RERG: variants seen among roughly 807,000 people sequenced by gnomAD.
RERG encodes the protein RAS like estrogen regulated growth inhibitor.
A neutral mutation model predicts 23.2 loss-of-function variants in RERG; 25 were observed. That is an observed-to-expected ratio of 1.08 (90% CI 0.79 to 1.50). The LOEUF (loss-of-function observed/expected upper bound fraction) is 1.50, where lower values mean the gene tolerates loss of function less well. RERG is among the 40% of genes most tolerant of loss of function. The probability of loss-of-function intolerance (pLI) is 0.00; values close to 1 mark genes in which losing one functional copy is unlikely to be tolerated. For synonymous variants in RERG, 81 were observed against 89.1 expected (o/e 0.91, Z 0.51); for missense variants, 253 against 250.1 (o/e 1.01, Z -0.08).
At chr12:15,120,744 A>C (rs1863816189) in intron 3 of RERG, among the ~76,000 whole-genome samples, 1 of 152,100 alleles carries the variant, frequency 6.6e-6, no homozygotes, top group Non-Finnish European at 1.5e-5. Flanking sequence ...CAAATTTTCC[A>C]TGTCCGTTTT....
chr12:15,124,387 C>T (rs4764169), intron 2 of RERG, among the ~76,000 whole-genome samples: 95,529 of 151,612 alleles, frequency 0.63, 30,420 homozygotes, highest in Admixed American at 0.73. Flanking sequence ...TCAGCTTCAG[C>T]AAGAAATGAA....
intron 2 of RERG, among the ~76,000 whole-genome samples, chr12:15,216,632 T>C (rs1478352467): frequency 1.3e-5 from 2 of 152,230 alleles, no homozygotes; most frequent in African/African-American, 4.8e-5. Flanking sequence ...TTATGGTTCC[T>C]TCCTCCAGTA....
rs371231839 is a variant in RERG, at chr12:15,121,063, C to T, written c.118G>A (p.Glu40Lys). Residue 40 changes from glutamate (E) to lysine (K), a missense_variant and splice_region_variant, in exon 3 of 5, where the codon GAA becomes AAA. Transcript: ENST00000256953. The stretch of plus-strand genomic sequence containing the variant: ...GAGAAGGAAACAAAATTTGACCTAC[C>T]GAGGGTGGGATCATATTCCCAGATG... Reference protein sequence around the residue: ...RFIWEYDPTLESTYRHQATID... With the variant: ...RFIWEYDPTLKSTYRHQATID... 9.9e-6 allele frequency: 16 copies of T among 1,610,204 alleles called. No homozygotes were observed. The highest frequency in any genetic ancestry group is 1.7e-5 in the Admixed American group (1 of 59,934).
chr12:15,151,272 A>G (rs1363223041), intron 2 of RERG, among the ~76,000 whole-genome samples: 2 of 152,190 alleles, frequency 1.3e-5, no homozygotes, highest in African/African-American at 4.8e-5. Flanking sequence ...GTCAATAAGA[A>G]CCACATGTCT....
intron 2 of RERG, among the ~76,000 whole-genome samples, chr12:15,178,116 T>G (rs1217491613): frequency 6.6e-6 from 1 of 152,132 alleles, no homozygotes; most frequent in Non-Finnish European, 1.5e-5. Flanking sequence ...GAAAGCCATG[T>G]GCTATAATGG....
At chr12:15,187,563 CTT>C (rs35277857) in intron 2 of RERG, among the ~76,000 whole-genome samples, 1 of 146,420 alleles carries the variant, frequency 6.8e-6, no homozygotes, top group Non-Finnish European at 1.5e-5. Flanking sequence ...CTCTGAGAAC[CTT>C]TTTTTTTTTT....
chr12:15,137,692 C>T, intron 2 of RERG: 1 of 307,238 alleles, frequency 3.3e-6, no homozygotes, highest in South Asian at 3.1e-5. Context: ...TTCCTCCCTC[C>T]TGTCCATTGT....
At chr12:15,113,258 G>T (rs1863656769) in intron 3 of RERG, among the ~76,000 whole-genome samples, 1 of 151,896 alleles carries the variant, frequency 6.6e-6, no homozygotes, top group Non-Finnish European at 1.5e-5. Context: ...CAATAAATTA[G>T]AAGAGAAGAA....
intron 2 of RERG, among the ~76,000 whole-genome samples, chr12:15,189,802 C>A (rs993265130): frequency 1.2e-4 from 18 of 152,160 alleles, no homozygotes; most frequent in African/African-American, 4.3e-4. Flanking sequence ...AAATGGAGGG[C>A]TCACTGAATC....
At chr12:15,195,395 C>T (rs1395835524) in intron 2 of RERG, among the ~76,000 whole-genome samples, 2 of 152,126 alleles carry the variant, frequency 1.3e-5, no homozygotes, top group Admixed American at 1.3e-4. Flanking sequence ...GTTGGAGCAA[C>T]AGAGAGGCCA....
chr12:15,167,591 C>A (rs1036155993), intron 2 of RERG, among the ~76,000 whole-genome samples: 10 of 152,020 alleles, frequency 6.6e-5, no homozygotes, highest in Admixed American at 5.2e-4. Flanking sequence ...TCTAAATTGA[C>A]CCTTTAAATA....
intron 2 of RERG, among the ~76,000 whole-genome samples, chr12:15,140,257 T>C (rs1355414304): frequency 6.6e-6 from 1 of 152,094 alleles, no homozygotes; most frequent in Non-Finnish European, 1.5e-5. Context: ...TCTCTCACTC[T>C]TTTTCTCCCA....
At chr12:15,112,481 G>A (rs1463852342) in intron 3 of RERG, 1 of 152,216 alleles carries the variant, frequency 6.6e-6, no homozygotes, top group Non-Finnish European at 1.5e-5. Flanking sequence ...TATGTGAGGG[G>A]AAGGAGAAGT....
chr12:15,170,614 T>G (rs974891848), intron 2 of RERG, among the ~76,000 whole-genome samples: 2 of 152,132 alleles, frequency 1.3e-5, no homozygotes, highest in Admixed American at 1.3e-4. Flanking sequence ...GGATCCAGAC[T>G]TTGGTTCTGA....
At chr12:15,186,050 A>G (rs1033186041) in intron 2 of RERG, among the ~76,000 whole-genome samples, 1 of 151,974 alleles carries the variant, frequency 6.6e-6, no homozygotes, top group African/African-American at 2.4e-5. Context: ...CAAAAATTGA[A>G]CTGAGAAAGC....
chr12:15,175,230 T>G (rs1365099297), intron 2 of RERG, among the ~76,000 whole-genome samples: 2 of 151,854 alleles, frequency 1.3e-5, no homozygotes, highest in African/African-American at 4.8e-5. Flanking sequence ...TCATAGTGTG[T>G]AACCACGGTT....
rs749148398 is a variant in RERG at position 15,126,143 on chromosome 12, ATATATATATG to A, written c.62-5034_62-5025del. 2.3e-3 allele frequency among the ~76,000 whole-genome samples: 329 copies of A among 141,666 alleles called. 6 individuals carry two copies. The highest frequency in any genetic ancestry group is 4.0e-3 in the Non-Finnish European group (260 of 65,050). The allele number at this position is 141,666 out of a possible 152,430, so 92.9% of individuals were successfully genotyped here. ...TTGTATATACCATATATATATATAT[ATATATATATG>A]TATTTACACACATACATTTTTACAT... is the stretch of plus-strand genomic sequence containing the variant. On this transcript the variant is annotated intron_variant, in intron 2 of 4. Transcript: ENST00000256953.
intron 2 of RERG, among the ~76,000 whole-genome samples, chr12:15,195,475 A>G (rs1347967717): frequency 1.3e-5 from 2 of 151,966 alleles, no homozygotes; most frequent in Non-Finnish European, 2.9e-5. Flanking sequence ...CCTATTCCAC[A>G]AAAGATTATG....
chr12:15,217,695 T>C, intron 1 of RERG, 92 bp from the exon 2 acceptor site: 2 of 519,648 alleles, frequency 3.8e-6, no homozygotes, highest in Middle Eastern at 5.2e-4. Context: ...CCATTCACTT[T>C]TTCAACATTT....
Sources: allele counts gnomAD v4.1 joint callset (sites outside exome capture counted in the v4.1 genomes callset), GRCh38; gene constraint gnomAD v4.1.1; transcripts MANE v1.5; gene names NCBI Gene and HGNC (gene_info 2026-07-23, HGNC 2026-07-21).